The following SEMA4C variants were observed in gnomAD, a reference collection of about 807,000 sequenced individuals.
SEMA4C encodes semaphorin 4C.
Under a neutral mutation model 89.0 loss-of-function variants are expected in SEMA4C, and 19 were observed. The observed-to-expected ratio is 0.21, with a 90% CI of 0.15 to 0.31. SEMA4C has a LOEUF of 0.31. Among genes scored for constraint, SEMA4C ranks in the 10% least tolerant of loss-of-function variants. The pLI is 1.00. For synonymous variants in SEMA4C, 428 were observed against 472.7 expected, an observed-to-expected ratio of 0.91 and a Z score of 1.23; for missense variants, 811 against 1,107.0, an observed-to-expected ratio of 0.73 and a Z score of 3.79.
chr2:96,870,643 T>A, upstream of SEMA4C: 1 of 985,452 alleles, frequency 1.0e-6, no homozygotes, highest in Non-Finnish European at 1.2e-6. Flanking sequence ...AGGAAGACCC[T>A]TCAATCAACA....
Position 96,861,146 on chromosome 2 carries a change from T to C in SEMA4C, c.1982A>G (p.Asn661Ser), listed in dbSNP as rs2079933207. 2 of 1,610,658 alleles carry C rather than the reference T, an allele frequency of 1.2e-6. No individual in the cohort carries two copies. Among genetic ancestry groups the C allele is most frequent in the Non-Finnish European group, 1.7e-6 (2 of 1,179,536 alleles). The change falls in exon 15 of 15, where the codon AAC (asparagine) becomes AGC (serine). Residue 661 changes from asparagine (N) to serine (S), a missense_variant. Asn to Ser is a conservative substitution (Grantham distance 46). Coordinates refer to ENST00000305476, the MANE Select transcript of SEMA4C (RefSeq NM_017789.5). This position sits in a 1 kb window ranked among gnomAD's most constrained non-coding sequence, Gnocchi z 7.8. ...CACCGCCAGCCACACCAGCCCCAGG[T>C]TTTCCAGGGGGGCCCGGGCCTCCAA... ...VTLEARAPLE[N>S]LGLVWLAVVA...
At chr2:96,863,438 T>C in intron 12 of SEMA4C, 1 of 1,286,312 alleles carries the variant, frequency 7.8e-7, no homozygotes, top group Non-Finnish European at 9.9e-7. Flanking sequence ...CAAGGCTTGA[T>C]GCTGGGAGCG....
Position 96,861,382 on chromosome 2 carries a change from G to T in SEMA4C, c.1746C>A (p.Asn582Lys). ...DLVLPCHLSS[N>K]LAHARWTFGG... ...CAAAGGTCCAGCGGGCATGGGCCAA[G>T]TTGGAGGAGAGGTGGCAGGGCAGCA... The change falls in exon 15 of 15, where the codon AAC becomes AAA. Residue 582 changes from asparagine (N) to lysine (K), a missense_variant. Transcript: ENST00000305476. This position sits in a 1 kb window ranked among gnomAD's most constrained non-coding sequence, Gnocchi z 7.8. The T allele has an allele frequency of 6.2e-7, 1 of 1,609,696 alleles. No individual in the cohort carries two copies. Among genetic ancestry groups the T allele is most frequent in the Non-Finnish European group, 8.5e-7 (1 of 1,180,004 alleles).
chr2:96,866,266 A>G lies in SEMA4C; in HGVS notation c.258+17T>C. 1 of 1,597,772 alleles carries G rather than the reference A, an allele frequency of 6.3e-7. No homozygotes were observed. Among genetic ancestry groups the G allele is most frequent in the Non-Finnish European group, 8.6e-7 (1 of 1,168,986 alleles). On this transcript the variant is annotated intron_variant, in intron 3 of 14. Coordinates refer to ENST00000305476, the MANE Select transcript of SEMA4C (RefSeq NM_017789.5). The stretch of plus-strand genomic sequence containing the variant: ...CCTCTGGCAGGCCCGACTGCCTCCC[A>G]CTGCCCCACCTCTCACCGCTCCTTG...
rs181149090 is a variant in SEMA4C at position 96,865,693 on chromosome 2, G to A, written c.393C>T (p.Tyr131=). The A allele has an allele frequency of 8.4e-5, 136 of 1,614,054 alleles. No homozygotes were observed. The highest frequency in any genetic ancestry group is 9.9e-5 in the South Asian group (9 of 91,086). ...CGTAGGTGCACTTGGGCTGGAAGGC[G>A]TAGGTGCCACAGACGTACAGGTGGG... The part of the protein sequence containing the change: ...NASHLYVCGT[Y]AFQPKCTYVN... The change falls in exon 5 of 15, where the codon TAC becomes TAT. Residue 131 remains tyrosine (Y), a synonymous_variant. Transcript: ENST00000305476.
chr2:96,867,188 A>G (rs1428014122), intron 2 of SEMA4C, among the ~76,000 whole-genome samples: 1 of 152,190 alleles, frequency 6.6e-6, no homozygotes, highest in Non-Finnish European at 1.5e-5. Flanking sequence ...ATGGATCCAG[A>G]CACAGACCGG....
At position 96,861,978 on chromosome 2, in the gene SEMA4C, A is replaced by T; in HGVS notation, c.1444-84T>A. ...GGCCGGACCAGAACGCAGCATGGGG[A>T]CAGCTTGGACTCCTGCAGGGGGCAC... On this transcript the variant is annotated intron_variant, in intron 12 of 14. Coordinates refer to ENST00000305476, the MANE Select transcript of SEMA4C (RefSeq NM_017789.5). The surrounding 1 kb of genome is among the most constrained non-coding windows in gnomAD (Gnocchi z 7.8). 3 of 1,437,390 alleles carry T rather than the reference A, an allele frequency of 2.1e-6. No individual in the cohort carries two copies. The highest frequency in any genetic ancestry group is 2.8e-6 in the Non-Finnish European group (3 of 1,063,392). The allele number at this position is 1,437,390 out of a possible 1,614,324, so 89.0% of individuals were successfully genotyped here.
Position 96,861,439 on chromosome 2 carries a change from T to G in SEMA4C, c.1689A>C (p.Lys563Asn), listed in dbSNP as rs748955291. ...CTGTGCCCGCCACCACCGTGATGTT[T>G]TTGGGAGTGGGCCTGACTGTAGTGG... ...RGSKKVRPTP[K>N]NITVVAGTDL... The change falls in exon 15 of 15, where the codon AAA becomes AAC. Residue 563 changes from lysine to asparagine, a missense_variant. Physicochemically the swap from Lys to Asn is moderately conservative, Grantham distance 94 (BLOSUM62 0). Around this residue, in one of 4 missense-constraint regions of SEMA4C, gnomAD observed 441 missense variants for 664.9 expected, o/e 0.66. Coordinates refer to ENST00000305476, the MANE Select transcript of SEMA4C (RefSeq NM_017789.5). The surrounding 1 kb of genome is among the most constrained non-coding windows in gnomAD (Gnocchi z 7.8). 6.2e-7 allele frequency: 1 copy of G among 1,612,718 alleles called. No individual in the cohort carries two copies. Among genetic ancestry groups the G allele is most frequent in the Admixed American group, 1.7e-5 (1 of 60,012 alleles).
chr2:96,862,068 C>CT (rs1559031745), intron 12 of SEMA4C, 174 bp from the exon 13 acceptor site: 9 of 681,664 alleles, frequency 1.3e-5, no homozygotes, highest in South Asian at 1.9e-5. Context: ...AAAGGGAACT[C>CT]TAAGAACCGC....
intron 2 of SEMA4C, among the ~76,000 whole-genome samples, chr2:96,867,436 G>T (rs1412255719): frequency 6.6e-6 from 1 of 152,222 alleles, no homozygotes; most frequent in Non-Finnish European, 1.5e-5. Flanking sequence ...GGTCTTAGGG[G>T]GGCCTGGGGA....
At chr2:96,869,064 G>A (rs2080147999) in intron 1 of SEMA4C, 1 of 985,434 alleles carries the variant, frequency 1.0e-6, no homozygotes, top group East Asian at 1.1e-4. Flanking sequence ...CGGCGGCGCG[G>A]GGAGCGTGGC....
At chr2:96,868,884 G>C in intron 1 of SEMA4C, 2 of 985,348 alleles carry the variant, frequency 2.0e-6, no homozygotes, top group Non-Finnish European at 1.2e-6. Context: ...CCTGGCCTGG[G>C]CGGGCCAGCG....
upstream of SEMA4C, chr2:96,870,173 A>AG (rs924892354): frequency 1.0e-6 from 1 of 983,688 alleles, no homozygotes; most frequent in African/African-American, 1.8e-5. Flanking sequence ...CTCGCTCAGG[A>AG]GGGGGCTGCG....
At position 96,870,070 on chromosome 2, in the gene SEMA4C, GCT is replaced by G. The variant is rs1159570302; in HGVS notation, c.-234_-233del. On this transcript the variant is annotated 5_prime_UTR_variant, in exon 1 of 15. Transcript: ENST00000305476. ...CCCCGCGCCACCACGGCGGGCGCCGGCTCTTTCTCCAGCGCGGCCGCGGCTCT... is the reference window on the plus strand; with the variant it reads ...CCCCGCGCCACCACGGCGGGCGCCGGCTTTCTCCAGCGCGGCCGCGGCTCT... 1.0e-6 allele frequency: 1 copy of G among 977,208 alleles called. No homozygotes were observed. 60.5% of individuals were successfully genotyped at this position (977,208 alleles called of 1,614,324 possible).
In SEMA4C at chr2:96,861,473, A is replaced by C; in HGVS notation, c.1673-18T>G. ...GGGCCTGACTGTAGTGGCAGAGAAA[A>C]CAGAGTGCATGTTAGTGCAGGAAAG... On this transcript the variant is annotated intron_variant, in intron 14 of 14. Coordinates refer to ENST00000305476, the MANE Select transcript of SEMA4C (RefSeq NM_017789.5). The surrounding 1 kb of genome is among the most constrained non-coding windows in gnomAD (Gnocchi z 7.8). The C allele has an allele frequency of 6.2e-7, 1 of 1,612,734 alleles. No homozygotes were observed. The highest frequency in any genetic ancestry group is 8.5e-7 in the Non-Finnish European group (1 of 1,179,272).
upstream of SEMA4C, chr2:96,870,129 G>A: frequency 1.0e-6 from 1 of 972,934 alleles, no homozygotes; most frequent in Non-Finnish European, 1.2e-6. Context: ...CAGGCTGGGG[G>A]GGTCGAGCGG....
rs1027890742 is a variant in SEMA4C, at chr2:96,861,141, C to G, written c.1987G>C (p.Gly663Arg). 6.2e-7 allele frequency: 1 copy of G among 1,611,314 alleles called. No individual in the cohort carries two copies. The highest frequency in any genetic ancestry group is 1.3e-5 in the African/African-American group (1 of 74,896). The change falls in exon 15 of 15, where the codon GGG becomes CGG. Residue 663 changes from glycine (G) to arginine (R), a missense_variant. Transcript: ENST00000305476. This position sits in a 1 kb window ranked among gnomAD's most constrained non-coding sequence, Gnocchi z 7.8. ...GCCACCACCGCCAGCCACACCAGCC[C>G]CAGGTTTTCCAGGGGGGCCCGGGCC... ...LEARAPLENL[G>R]LVWLAVVALG...
Position 96,863,913 on chromosome 2 carries a change from C to T in SEMA4C, c.1330+13G>A. ...AGCCTTGAGCAGCCATGCCTGCATA[C>T]CCATGCACCCACCTGTGCCAATGAA... On this transcript the variant is annotated intron_variant, in intron 11 of 14. Transcript: ENST00000305476. The T allele has an allele frequency of 1.9e-6, 3 of 1,602,096 alleles. No homozygotes were observed. The highest frequency in any genetic ancestry group is 2.6e-6 in the Non-Finnish European group (3 of 1,172,294).
Position 96,865,870 on chromosome 2 carries a change from G to A in SEMA4C, c.318C>T (p.Asn106=), listed in dbSNP as rs1204289453. ...GGAGCAGCGTCCAAGCACCCACCTGGTTGTTCTTCCCTTTCTGGATACACT... is the reference window on the plus strand; with the variant it reads ...GGAGCAGCGTCCAAGCACCCACCTGATTGTTCTTCCCTTTCTGGATACACT... ...KTECIQKGKN[N]QTECFNFIRF... The change falls in exon 4 of 15, where the codon AAC becomes AAT. Residue 106 remains asparagine, a synonymous_variant. Transcript: ENST00000305476. The A allele has an allele frequency of 6.2e-7, 1 of 1,614,004 alleles. No individual in the cohort carries two copies. The highest frequency in any genetic ancestry group is 2.2e-5 in the East Asian group (1 of 44,906).
Sources: allele counts gnomAD v4.1 joint callset (sites outside exome capture counted in the v4.1 genomes callset), GRCh38; gene constraint gnomAD v4.1.1; regional missense constraint gnomAD v4.1.1; non-coding constraint Gnocchi (gnomAD v3.1); transcripts MANE v1.5; gene names NCBI Gene and HGNC (gene_info 2026-07-23, HGNC 2026-07-21).